CFH: variants seen among roughly 807,000 people sequenced by gnomAD.
CFH encodes the protein H factor 1 (complement).
A neutral mutation model predicts 147.3 loss-of-function variants in CFH; 53 were observed. The ratio of observed to expected loss-of-function variants is 0.36; its 90% CI spans 0.29 to 0.45. The LOEUF is 0.45. Ranked by LOEUF, CFH falls within the 20% of genes least tolerant of loss-of-function variation. The probability of loss-of-function intolerance (pLI) is 1.00; values close to 1 mark genes in which losing one functional copy is unlikely to be tolerated. For synonymous variants in CFH, 536 were observed against 489.4 expected, an observed-to-expected ratio of 1.10 and a Z score of -1.26; for missense variants, 1,380 against 1,498.0, an observed-to-expected ratio of 0.92 and a Z score of 1.30.
At chr1:196,729,352 C>T (rs1288112062) in intron 15 of CFH, among the ~76,000 whole-genome samples, 2 of 151,908 alleles carry the variant, frequency 1.3e-5, no homozygotes, top group South Asian at 2.1e-4. Context: ...TTAAAATGAT[C>T]GTATAGTTAT....
chr1:196,674,027 A>G, intron 3 of CFH, 65 bp downstream of exon 3: 1 of 1,110,286 alleles, frequency 9.0e-7, no homozygotes, highest in Non-Finnish European at 1.4e-6. Flanking sequence ...ACTACTTTAT[A>G]TATTTTTAAG....
At chr1:196,677,902 G>A (rs1479857419) in intron 5 of CFH, 3 of 479,848 alleles carry the variant, frequency 6.3e-6, no homozygotes, top group Non-Finnish European at 1.1e-5. Flanking sequence ...AGAGACTGGT[G>A]CAAAGAAGTT....
At chr1:196,701,423 C>G in intron 9 of CFH, 2 of 1,585,162 alleles carry the variant, frequency 1.3e-6, no homozygotes, top group Non-Finnish European at 1.7e-6. Context: ...CAGGTCAATA[C>G]TTGGGTCCTG....
At chr1:196,679,838 A>G (rs1213288454) in intron 6 of CFH, 45 bp downstream of exon 6, 9 of 1,487,506 alleles carry the variant, frequency 6.1e-6, no homozygotes, top group East Asian at 2.4e-5. Context: ...TTTATCACAT[A>G]TTTTAATTAA....
At chr1:196,719,444 A>G (rs1199940507) in intron 11 of CFH, among the ~76,000 whole-genome samples, 1 of 152,008 alleles carries the variant, frequency 6.6e-6, no homozygotes, top group Non-Finnish European at 1.5e-5. Context: ...ATTTTCTCAA[A>G]TAATCTGCAA....
chr1:196,674,552 C>A (rs1336686990), intron 3 of CFH, among the ~76,000 whole-genome samples: 1 of 151,812 alleles, frequency 6.6e-6, no homozygotes, highest in Non-Finnish European at 1.5e-5. Flanking sequence ...GTTATTTTAT[C>A]CCCCTTATTC....
intron 9 of CFH, among the ~76,000 whole-genome samples, chr1:196,712,357 A>T (rs116810342): frequency 1.3e-5 from 2 of 151,112 alleles, no homozygotes; most frequent in South Asian, 4.1e-4. Context: ...TTTCTTTGTT[A>T]TAATTTATTA....
intron 1 of CFH, among the ~76,000 whole-genome samples, chr1:196,666,772 T>C (rs1344851281): frequency 7.7e-6 from 1 of 129,212 alleles, no homozygotes; most frequent in Admixed American, 9.4e-5. Flanking sequence ...GATTGGGCAC[T>C]CCAGCATGGG....
chr1:196,704,073 G>GTTGTA (rs1422219420), intron 9 of CFH, among the ~76,000 whole-genome samples: 1 of 148,600 alleles, frequency 6.7e-6, no homozygotes, highest in Non-Finnish European at 1.5e-5. Context: ...CTTTTTTGTT[G>GTTGTA]TTGTTTTGTT....
chr1:196,679,924 A>T, intron 6 of CFH, 131 bp downstream of exon 6: 2 of 853,340 alleles, frequency 2.3e-6, no homozygotes, highest in Non-Finnish European at 1.8e-6. Flanking sequence ...TAAAAAACAT[A>T]TAGCATTTTC....
chr1:196,678,748 C>T (rs909905571), intron 5 of CFH: 2 of 151,802 alleles, frequency 1.3e-5, no homozygotes, highest in South Asian at 2.1e-4. Flanking sequence ...AAAAGCATAC[C>T]AGAGTTCAGG....
At chr1:196,695,100 C>A (rs547880137) in intron 9 of CFH, among the ~76,000 whole-genome samples, 1 of 151,698 alleles carries the variant, frequency 6.6e-6, no homozygotes, top group African/African-American at 2.4e-5. Flanking sequence ...CCTGAATAAC[C>A]TACTGCCTAG....
chr1:196,731,965 A>C (rs916029572), intron 15 of CFH, among the ~76,000 whole-genome samples: 5 of 151,950 alleles, frequency 3.3e-5, no homozygotes, highest in Non-Finnish European at 7.4e-5. Context: ...TCTTAAAGTG[A>C]CTATCTTTCA....
chr1:196,737,428 A>T, intron 16 of CFH, 47 bp from the exon 17 acceptor site: 1 of 1,267,230 alleles, frequency 7.9e-7, no homozygotes, highest in Non-Finnish European at 1.1e-6. Flanking sequence ...ATTTCAATTT[A>T]AGTATTTTAT....
chr1:196,679,645 T>C lies in CFH; in HGVS notation c.642T>C (p.Asp214=). Residue 214 remains aspartate, a synonymous_variant, in exon 6 of 22, where the codon GAT becomes GAC. Transcript: ENST00000367429. The part of the protein sequence containing the change: ...KCVEISCKSP[D]VINGSPISQK... Reference sequence around the variant, plus strand: ...TAGAAATTTCATGCAAATCCCCAGATGTTATAAATGGATCTCCTATATCTC... The same window carrying C: ...TAGAAATTTCATGCAAATCCCCAGACGTTATAAATGGATCTCCTATATCTC... The C allele has an allele frequency of 6.2e-6, 10 of 1,605,456 alleles. No individual in the cohort carries two copies. The highest frequency in any genetic ancestry group is 8.5e-6 in the Non-Finnish European group (10 of 1,173,404).
Position 196,735,599 on chromosome 1 carries a change from G to GA in CFH, c.2414-1219dup, listed in dbSNP as rs1411884588. ...GTATTTAGCATTATAACATGCATCAGAAAAAACAAATAAAAAAATAAAAGC... is the reference window on the plus strand; with the variant it reads ...GTATTTAGCATTATAACATGCATCAGAAAAAAACAAATAAAAAAATAAAAGC... On this transcript the variant is annotated intron_variant, in intron 15 of 21. Transcript: ENST00000367429. Among the ~76,000 whole-genome samples, 8 of 151,608 alleles carry GA rather than the reference G, an allele frequency of 5.3e-5. No individual in the cohort carries two copies. The East Asian group carries it at 1.5e-3, about 29-fold the overall frequency.
chr1:196,715,858 T>A lies in CFH; in HGVS notation c.1696+89T>A, dbSNP rs550388460. The A allele has an allele frequency of 8.6e-5, 92 of 1,070,120 alleles. No homozygotes were observed. The South Asian group carries it at 1.4e-3, about 16-fold the overall frequency. The allele number at this position is 1,070,120 out of a possible 1,614,324, so 66.3% of individuals were successfully genotyped here. A position where few individuals can be genotyped will look rare whatever the true frequency, so the allele number is the denominator to read the frequency against. ...AAATTTGAATTATATAGAGGAATTGTTAAGGAATGTTGATTAAAATCAAGA... is the reference window on the plus strand; with the variant it reads ...AAATTTGAATTATATAGAGGAATTGATAAGGAATGTTGATTAAAATCAAGA... On this transcript the variant is annotated intron_variant, in intron 11 of 21. Transcript: ENST00000367429.
intron 21 of CFH, among the ~76,000 whole-genome samples, chr1:196,746,473 A>T (rs1328339204): frequency 1.3e-5 from 2 of 152,008 alleles, no homozygotes; most frequent in African/African-American, 4.8e-5. Context: ...AAAAAAAGTA[A>T]TTTTTCTCTT....
At chr1:196,662,693 G>A (rs1048041107) in intron 1 of CFH, among the ~76,000 whole-genome samples, 1 of 152,056 alleles carries the variant, frequency 6.6e-6, no homozygotes, top group Middle Eastern at 3.4e-3. Context: ...ACCAGCCTGG[G>A]CAAAACGGCA....
Sources: gnomAD v4.1 joint callset for allele counts (sites outside exome capture counted in the v4.1 genomes callset) on GRCh38, gnomAD v4.1.1 for gene constraint, MANE v1.5 for transcripts, NCBI Gene and HGNC (gene_info 2026-07-23, HGNC 2026-07-21) for gene names.